SLC6A2: variants seen among roughly 807,000 people sequenced by gnomAD.
SLC6A2 encodes the protein sodium-dependent noradrenaline transporter.
SLC6A2 carries 26 observed loss-of-function variants against 71.7 expected under a neutral mutation model. The observed-to-expected ratio is 0.36, with a 90% CI of 0.27 to 0.50. The LOEUF is 0.50. SLC6A2 is among the 20% of genes least tolerant of loss of function. The pLI is 0.96. For missense variants in SLC6A2, 581 were observed against 803.9 expected (o/e 0.72, Z 3.35); for synonymous variants, 363 against 337.9 (o/e 1.07, Z -0.82).
chr16:55,680,766 G>C (rs1451539556), intron 4 of SLC6A2, among the ~76,000 whole-genome samples: 1 of 152,156 alleles, frequency 6.6e-6, no homozygotes, highest in Non-Finnish European at 1.5e-5. Context: ...GTGGACAGTG[G>C]GGGTGGGGGT....
At chr16:55,690,679 A>T (rs1965590304) in intron 5 of SLC6A2, among the ~76,000 whole-genome samples, 1 of 152,050 alleles carries the variant, frequency 6.6e-6, no homozygotes, top group African/African-American at 2.4e-5. Context: ...GTGATTTCTC[A>T]CCTTGGCTGC....
At chr16:55,678,548 C>T (rs1214343041) in intron 4 of SLC6A2, among the ~76,000 whole-genome samples, 9 of 152,166 alleles carry the variant, frequency 5.9e-5, no homozygotes, top group African/African-American at 2.2e-4. Context: ...CCCCAGGCTC[C>T]AGGCCTGAAG....
Position 55,693,996 on chromosome 16 carries a change from T to A in SLC6A2, c.919-14T>A. 1 of 1,577,962 alleles carries A rather than the reference T, an allele frequency of 6.3e-7. No homozygotes were observed. The highest frequency in any genetic ancestry group is 8.7e-7 in the Non-Finnish European group (1 of 1,146,964). ...AGGAAGCAGAGGCTGATGGCTTTTG[T>A]CTGCTGGTTTCAGGTATGGATTGAT... On this transcript the variant is annotated splice_polypyrimidine_tract_variant and intron_variant, in intron 6 of 14. Transcript: ENST00000568943.
At chr16:55,683,677 T>C (rs1334075872) in intron 4 of SLC6A2, among the ~76,000 whole-genome samples, 1 of 152,168 alleles carries the variant, frequency 6.6e-6, no homozygotes, top group African/African-American at 2.4e-5. Flanking sequence ...CCAAACACTT[T>C]ATTGATAGCT....
At chr16:55,681,630 C>T (rs80167425) in intron 4 of SLC6A2, among the ~76,000 whole-genome samples, 3,000 of 152,312 alleles carry the variant, frequency 0.02, 34 homozygotes, top group Non-Finnish European at 0.03. Flanking sequence ...TTTCTTTCAC[C>T]TGCCTGGAAA....
chr16:55,685,663 T>C lies in SLC6A2; in HGVS notation c.783+382T>C, dbSNP rs1965429006. Among the ~76,000 whole-genome samples, 3 of 152,204 alleles carry C rather than the reference T, an allele frequency of 2.0e-5. No individual in the cohort carries two copies. In the East Asian group the frequency reaches 5.8e-4, roughly 29 times the overall value. ...CTTGACCTAAATCTTCATGCAAATG[T>C]TGCATCCTACTCTGGAATATGACCA... On this transcript the variant is annotated intron_variant, in intron 5 of 14. Transcript: ENST00000568943.
intron 4 of SLC6A2, among the ~76,000 whole-genome samples, chr16:55,683,619 A>AACAG: frequency 6.6e-6 from 1 of 151,876 alleles, no homozygotes; most frequent in South Asian, 2.1e-4. Context: ...GTCTCAAACA[A>AACAG]ACAAACAAAC....
chr16:55,666,100 T>C (rs1249125288), intron 2 of SLC6A2, among the ~76,000 whole-genome samples: 2 of 152,218 alleles, frequency 1.3e-5, no homozygotes, highest in African/African-American at 2.4e-5. Flanking sequence ...AGGCATGCCC[T>C]GCCTGTGTTT....
At chr16:55,666,973 T>A (rs1024251895) in intron 2 of SLC6A2, among the ~76,000 whole-genome samples, 1 of 151,374 alleles carries the variant, frequency 6.6e-6, no homozygotes, top group Non-Finnish European at 1.5e-5. Flanking sequence ...TTTGTTTATT[T>A]GTTTGTTTTG....
chr16:55,682,767 A>AG (rs1965315378), intron 4 of SLC6A2, among the ~76,000 whole-genome samples: 1 of 152,192 alleles, frequency 6.6e-6, no homozygotes, highest in Non-Finnish European at 1.5e-5. Context: ...TGGGCTTTGA[A>AG]GGGTGTTGGG....
chr16:55,705,204 C>G lies in SLC6A2; in HGVS notation c.*2858C>G, dbSNP rs1966076245. The G allele has an allele frequency of 1.3e-6, 2 of 1,532,076 alleles. No individual in the cohort carries two copies. The highest frequency in any genetic ancestry group is 1.7e-6 in the Non-Finnish European group (2 of 1,142,918). 94.9% of individuals were successfully genotyped at this position (1,532,076 alleles called of 1,614,324 possible). A position where few individuals can be genotyped will look rare whatever the true frequency, so the allele number is the denominator to read the frequency against. ...TAGTTATTTAGCACCCACCTTTTAG[C>G]TTTCATTCTAGATGAAAACGAGACA... On this transcript the variant is annotated 3_prime_UTR_variant, in exon 15 of 15. Coordinates refer to ENST00000568943, the MANE Select transcript of SLC6A2 (RefSeq NM_001172501.3).
Position 55,691,965 on chromosome 16 carries a change from C to G in SLC6A2, c.831C>G (p.Leu277=), listed in dbSNP as rs139665125. The part of the protein sequence containing the change: ...ATLPYFVLFV[L]LVHGVTLPGA... ...TGCCTTACTTCGTGCTGTTCGTGCT[C>G]CTGGTCCATGGCGTCACGCTGCCCG... is the stretch of plus-strand genomic sequence containing the variant. The change falls in exon 6 of 15, where the codon CTC becomes CTG. Residue 277 remains leucine (L), a synonymous_variant. Coordinates refer to ENST00000568943, the MANE Select transcript of SLC6A2 (RefSeq NM_001172501.3). 3 of 1,614,196 alleles carry G rather than the reference C, an allele frequency of 1.9e-6. No individual in the cohort carries two copies. Among genetic ancestry groups the G allele is most frequent in the Non-Finnish European group, 1.7e-6 (2 of 1,180,042 alleles).
At chr16:55,679,906 A>T (rs971997284) in intron 4 of SLC6A2, among the ~76,000 whole-genome samples, 16 of 152,234 alleles carry the variant, frequency 1.1e-4, no homozygotes, top group African/African-American at 3.6e-4. Flanking sequence ...TTTCGGTTGG[A>T]TGATTCTTTG....
intron 4 of SLC6A2, among the ~76,000 whole-genome samples, chr16:55,675,954 G>A (rs769723768): frequency 3.3e-5 from 5 of 151,996 alleles, no homozygotes; most frequent in Non-Finnish European, 7.4e-5. Context: ...GATTTAGTTT[G>A]GTTGAAAGAG....
chr16:55,698,618 G>A, intron 11 of SLC6A2, 50 bp downstream of exon 11: 1 of 1,299,606 alleles, frequency 7.7e-7, no homozygotes, highest in Non-Finnish European at 1.1e-6. Flanking sequence ...CTAGAATCCT[G>A]CACCTGGAGG....
At chr16:55,678,995 A>G (rs927558831) in intron 4 of SLC6A2, among the ~76,000 whole-genome samples, 6 of 152,168 alleles carry the variant, frequency 3.9e-5, no homozygotes, top group Non-Finnish European at 7.4e-5. Flanking sequence ...TGCATGGGAC[A>G]TCAGCTGGGC....
intron 2 of SLC6A2, 68 bp from the exon 3 acceptor site, chr16:55,669,497 C>T: frequency 1.3e-6 from 2 of 1,579,066 alleles, no homozygotes; most frequent in Non-Finnish European, 1.7e-6. Flanking sequence ...GCAGCTCTTG[C>T]AGACACGGAT....
intron 2 of SLC6A2, among the ~76,000 whole-genome samples, 160 bp downstream of exon 2, chr16:55,657,128 T>C (rs993377366): frequency 6.7e-6 from 1 of 149,672 alleles, no homozygotes; most frequent in Non-Finnish European, 1.5e-5. Flanking sequence ...AAAAAAAAGA[T>C]TGGAGTCCTC....
At chr16:55,698,262 G>T (rs1965861777) in intron 10 of SLC6A2, among the ~76,000 whole-genome samples, 1 of 152,128 alleles carries the variant, frequency 6.6e-6, no homozygotes, top group African/African-American at 2.4e-5. Context: ...GGCAGCAAAA[G>T]TCCCTTTGGA....
Sources: gnomAD v4.1 joint callset for allele counts (sites outside exome capture counted in the v4.1 genomes callset) on GRCh38, gnomAD v4.1.1 for gene constraint, MANE v1.5 for transcripts, NCBI Gene and HGNC (gene_info 2026-07-23, HGNC 2026-07-21) for gene names.